OPCML: variants seen among roughly 807,000 people sequenced by gnomAD.
OPCML encodes opioid binding protein/cell adhesion molecule like, also known as opioid-binding protein/cell adhesion molecule.
A neutral mutation model predicts 37.8 loss-of-function variants in OPCML; 13 were observed. That is an observed-to-expected ratio of 0.34 (90% confidence interval 0.22 to 0.55). The LOEUF is 0.55. Ranked by LOEUF, OPCML falls within the 20% of genes least tolerant of loss-of-function variation. The pLI, the probability that OPCML is intolerant of heterozygous loss-of-function variation, is 0.91. For missense variants in OPCML, 341 were observed against 435.6 expected (o/e 0.78, Z 1.93); for synonymous variants, 176 against 168.8 (o/e 1.04, Z -0.33).
At chr11:132,914,133 G>C (rs747292347) in intron 2 of OPCML, among the ~76,000 whole-genome samples, 1 of 152,220 alleles carries the variant, frequency 6.6e-6, no homozygotes, top group African/African-American at 2.4e-5. Flanking sequence ...CCCTGGCAAT[G>C]TGCTGACACA....
At chr11:133,161,903 C>A (rs1264463239) in intron 1 of OPCML, among the ~76,000 whole-genome samples, 4 of 151,288 alleles carry the variant, frequency 2.6e-5, no homozygotes, top group Non-Finnish European at 5.9e-5. Context: ...CAGTGCCTGC[C>A]TCCCGGTACC....
At chr11:132,732,238 A>G (rs1945102339) in intron 2 of OPCML, among the ~76,000 whole-genome samples, 1 of 152,202 alleles carries the variant, frequency 6.6e-6, no homozygotes, top group Non-Finnish European at 1.5e-5. Flanking sequence ...AGAGAGGTGA[A>G]TGATTCAAAA....
intron 2 of OPCML, among the ~76,000 whole-genome samples, chr11:132,776,157 G>A (rs1208125788): frequency 6.6e-6 from 1 of 152,138 alleles, no homozygotes; most frequent in Admixed American, 6.5e-5. Context: ...TAGAACTCCT[G>A]TCCTCAGGTG....
intron 1 of OPCML, among the ~76,000 whole-genome samples, chr11:133,232,783 A>G (rs751580372): frequency 5.4e-4 from 82 of 152,180 alleles, no homozygotes; most frequent in Admixed American, 1.4e-3. Context: ...AGAGGAGGGG[A>G]AAAGCGACCC....
intron 1 of OPCML, among the ~76,000 whole-genome samples, chr11:133,140,401 G>A (rs1330734195): frequency 6.8e-6 from 1 of 147,924 alleles, no homozygotes; most frequent in Non-Finnish European, 1.5e-5. Context: ...TGTAATCCCA[G>A]CTACTTGGGA....
At chr11:133,260,771 G>T (rs1032865462) in intron 1 of OPCML, among the ~76,000 whole-genome samples, 1 of 152,196 alleles carries the variant, frequency 6.6e-6, no homozygotes, top group Admixed American at 6.5e-5. Context: ...CCAGATTTCA[G>T]TTGCCATGAC....
intron 2 of OPCML, chr11:132,773,271 C>G (rs1946703187): frequency 6.6e-6 from 1 of 152,146 alleles, no homozygotes; most frequent in African/African-American, 2.4e-5. Flanking sequence ...CCTCAGCCAC[C>G]CTGCTAATAC....
intron 2 of OPCML, among the ~76,000 whole-genome samples, chr11:132,816,972 G>T (rs912164543): frequency 1.3e-5 from 2 of 152,166 alleles, no homozygotes; most frequent in African/African-American, 4.8e-5. Context: ...GCGTTTCTGT[G>T]CTACTCTCCT....
chr11:132,561,612 C>A (rs1029844694), intron 3 of OPCML, among the ~76,000 whole-genome samples: 1 of 152,194 alleles, frequency 6.6e-6, no homozygotes, highest in Non-Finnish European at 1.5e-5. Flanking sequence ...GCTGGGGGAC[C>A]ATATGGCTGC....
intron 1 of OPCML, among the ~76,000 whole-genome samples, chr11:133,280,285 A>G (rs1004031655): frequency 2.6e-5 from 4 of 152,156 alleles, no homozygotes; most frequent in African/African-American, 9.7e-5. Flanking sequence ...ATTTTGCATG[A>G]TCTTAGAAGT....
chr11:132,788,319 C>T (rs1003819223), intron 2 of OPCML, among the ~76,000 whole-genome samples: 3 of 152,172 alleles, frequency 2.0e-5, no homozygotes, highest in Non-Finnish European at 4.4e-5. Context: ...TGGAACTTAT[C>T]CTTGACACCT....
chr11:132,930,942 G>T (rs1041676113), intron 2 of OPCML, among the ~76,000 whole-genome samples: 1 of 152,122 alleles, frequency 6.6e-6, no homozygotes, highest in African/African-American at 2.4e-5. Flanking sequence ...AATCAAAATT[G>T]TGTGGTCCTG....
chr11:133,053,579 A>G (rs1476518430), intron 1 of OPCML, among the ~76,000 whole-genome samples: 1 of 152,128 alleles, frequency 6.6e-6, no homozygotes, highest in Non-Finnish European at 1.5e-5. Flanking sequence ...CAATGATGAA[A>G]TTTCCTCTTA....
At chr11:133,049,558 A>G (rs1948092070) in intron 1 of OPCML, among the ~76,000 whole-genome samples, 1 of 152,264 alleles carries the variant, frequency 6.6e-6, no homozygotes, top group African/African-American at 2.4e-5. Context: ...AAAGCAAAGC[A>G]AAACAAAAGA....
rs186964119 is a variant in OPCML at position 132,469,104 on chromosome 11, T to C, written c.506-31745A>G. Among the ~76,000 whole-genome samples the C allele has an allele frequency of 3.9e-5, 6 of 152,360 alleles. No homozygotes were observed. The East Asian group carries it at 1.2e-3, about 29-fold the overall frequency. On this transcript the variant is annotated intron_variant, in intron 4 of 7. Coordinates refer to ENST00000524381, the MANE Select transcript of OPCML (RefSeq NM_001012393.5). ...CATTAGACAAATGTGTTGAACACCTTCTCTGTTCTGAGCTGTTTTAAGTGC... is the reference window on the plus strand; with the variant it reads ...CATTAGACAAATGTGTTGAACACCTCCTCTGTTCTGAGCTGTTTTAAGTGC...
At chr11:132,592,849 T>G (rs1393510264) in intron 3 of OPCML, among the ~76,000 whole-genome samples, 18 of 152,210 alleles carry the variant, frequency 1.2e-4, no homozygotes, top group Non-Finnish European at 2.6e-4. Context: ...TGGAACGTAG[T>G]AAACACACAA....
chr11:133,158,689 ACT>A (rs1278980020), intron 1 of OPCML, among the ~76,000 whole-genome samples: 1 of 129,616 alleles, frequency 7.7e-6, no homozygotes, highest in Non-Finnish European at 1.6e-5. Flanking sequence ...ACAGAGTGAG[ACT>A]CTGTCTAAAA....
intron 7 of OPCML, among the ~76,000 whole-genome samples, chr11:132,422,460 C>G: frequency 6.6e-6 from 1 of 152,210 alleles, no homozygotes. Flanking sequence ...TGGAGGTTTA[C>G]AGTCATATTC....
chr11:132,807,904 G>A (rs548344907), intron 2 of OPCML, among the ~76,000 whole-genome samples: 2 of 151,510 alleles, frequency 1.3e-5, no homozygotes, highest in Non-Finnish European at 2.9e-5. Flanking sequence ...CAACTTATTT[G>A]TAAGGCCATC....
Sources: allele counts gnomAD v4.1 joint callset (sites outside exome capture counted in the v4.1 genomes callset), GRCh38; gene constraint gnomAD v4.1.1; transcripts MANE v1.5; gene names NCBI Gene and HGNC (gene_info 2026-07-23, HGNC 2026-07-21).